Variants in WDR70 observed in about 807,000 individuals in gnomAD.
WDR70 encodes the protein WD repeat domain 70.
In WDR70, 53 loss-of-function variants were observed where a neutral mutation model predicts 88.6. That is an observed-to-expected ratio of 0.60 (90% CI 0.48 to 0.75). The LOEUF (loss-of-function observed/expected upper bound fraction) is 0.75, where lower values mean the gene tolerates loss of function less well. WDR70 is among the 30% of genes least tolerant of loss of function. The pLI, the probability that WDR70 is intolerant of heterozygous loss-of-function variation, is 0.00. For synonymous variants in WDR70, 280 were observed against 270.0 expected, an observed-to-expected ratio of 1.04 and a Z score of -0.36; for missense variants, 610 against 823.2, an observed-to-expected ratio of 0.74 and a Z score of 3.17.
At chr5:37,473,329 G>A (rs981625412) in intron 7 of WDR70, among the ~76,000 whole-genome samples, 1 of 144,766 alleles carries the variant, frequency 6.9e-6, no homozygotes, top group African/African-American at 2.5e-5. Context: ...TCTGTAGCTT[G>A]GTGTATTCAT....
chr5:37,440,633 C>T (rs1339726076), intron 6 of WDR70, among the ~76,000 whole-genome samples: 1 of 152,260 alleles, frequency 6.6e-6, no homozygotes, highest in Non-Finnish European at 1.5e-5. Flanking sequence ...GCGTGAGCCA[C>T]TGCGCCCAGC....
intron 10 of WDR70, among the ~76,000 whole-genome samples, chr5:37,658,251 G>C (rs1517786): frequency 0.57 from 86,832 of 151,470 alleles, 25,081 homozygotes; most frequent in African/African-American, 0.61. Context: ...ATAAGTAGAC[G>C]CTGCAGTTCA....
intron 8 of WDR70, 143 bp downstream of exon 8, chr5:37,480,130 G>C: frequency 9.2e-7 from 1 of 1,092,266 alleles, no homozygotes; most frequent in Non-Finnish European, 1.3e-6. Flanking sequence ...CATGTGGATT[G>C]ATTGGGTGGT....
intron 10 of WDR70, among the ~76,000 whole-genome samples, chr5:37,689,114 G>A (rs905589843): frequency 6.6e-6 from 1 of 152,230 alleles, no homozygotes; most frequent in African/African-American, 2.4e-5. Context: ...GAACTTCAAG[G>A]CGGCAGCCTG....
chr5:37,705,578 T>C (rs1275436846), intron 13 of WDR70, among the ~76,000 whole-genome samples: 1 of 152,022 alleles, frequency 6.6e-6, no homozygotes, highest in Non-Finnish European at 1.5e-5. Flanking sequence ...CTATGTTAAA[T>C]AAATGGGGCT....
chr5:37,562,978 G>GGGT (rs1331874218), intron 9 of WDR70, among the ~76,000 whole-genome samples: 4 of 147,814 alleles, frequency 2.7e-5, no homozygotes, highest in African/African-American at 9.8e-5. Flanking sequence ...CTCCCAGACG[G>GGGT]GGTGGTGGCC....
At chr5:37,500,229 G>A (rs1441373159) in intron 8 of WDR70, among the ~76,000 whole-genome samples, 1 of 152,076 alleles carries the variant, frequency 6.6e-6, no homozygotes, top group African/African-American at 2.4e-5. Context: ...TAGAATAATG[G>A]TCTCCAGCTC....
At chr5:37,720,262 C>G (rs1048399269) in intron 13 of WDR70, among the ~76,000 whole-genome samples, 3 of 152,152 alleles carry the variant, frequency 2.0e-5, no homozygotes, top group African/African-American at 7.2e-5. Context: ...TGCTTCCACT[C>G]ATATCTTGTT....
intron 9 of WDR70, among the ~76,000 whole-genome samples, chr5:37,535,119 T>C (rs1741622989): frequency 6.6e-6 from 1 of 152,134 alleles, no homozygotes; most frequent in African/African-American, 2.4e-5. Context: ...TAAAATAGTT[T>C]CTCTAGTAGT....
In WDR70 at chr5:37,452,267, A is replaced by ATT. The variant is rs35672808; in HGVS notation, c.686+8909_686+8910dup. On this transcript the variant is annotated intron_variant, in intron 7 of 17. Transcript: ENST00000265107. ...GAAGCCTTTCTTTATTTTGAGACTG[A>ATT]TTTTTTTTTTTTTTTGAGATGGAGT... Among the ~76,000 whole-genome samples, 91 of 141,720 alleles carry ATT rather than the reference A, an allele frequency of 6.4e-4. 2 individuals carry two copies. Among genetic ancestry groups the ATT allele is most frequent in the Admixed American group, 1.1e-3 (15 of 14,074 alleles). 93.0% of individuals were successfully genotyped at this position (141,720 alleles called of 152,430 possible). A position where few individuals can be genotyped will look rare whatever the true frequency, so the allele number is the denominator to read the frequency against.
At chr5:37,587,633 CTT>C (rs550318086) in intron 9 of WDR70, among the ~76,000 whole-genome samples, 1 of 152,086 alleles carries the variant, frequency 6.6e-6, no homozygotes, top group African/African-American at 2.4e-5. Flanking sequence ...AGAAAAGACA[CTT>C]TTGTATCTCC....
At chr5:37,560,342 A>G (rs925382778) in intron 9 of WDR70, among the ~76,000 whole-genome samples, 2 of 152,060 alleles carry the variant, frequency 1.3e-5, no homozygotes, top group African/African-American at 4.8e-5. Context: ...TATTTCTCTG[A>G]CCTGTTGGTC....
intron 9 of WDR70, among the ~76,000 whole-genome samples, chr5:37,544,871 A>G (rs890595253): frequency 1.3e-5 from 2 of 152,204 alleles, no homozygotes; most frequent in African/African-American, 4.8e-5. Flanking sequence ...TGCTAGGCAG[A>G]TATCATTTGA....
chr5:37,582,019 A>G (rs536877809), intron 9 of WDR70, among the ~76,000 whole-genome samples: 28 of 152,304 alleles, frequency 1.8e-4, no homozygotes, highest in Middle Eastern at 3.4e-3. Flanking sequence ...TTAAAAAAAA[A>G]AATCTTTAGT....
intron 17 of WDR70, among the ~76,000 whole-genome samples, chr5:37,741,517 C>T (rs909107008): frequency 7.9e-5 from 12 of 152,182 alleles, no homozygotes; most frequent in African/African-American, 2.9e-4. Context: ...ACTGTTCCAC[C>T]TCAGATCATC....
At chr5:37,660,346 T>A (rs751472294) in intron 10 of WDR70, among the ~76,000 whole-genome samples, 4 of 152,146 alleles carry the variant, frequency 2.6e-5, no homozygotes, top group Non-Finnish European at 5.9e-5. Context: ...GTTGATCATG[T>A]CAGCCTATAT....
chr5:37,496,525 G>T (rs1740219953), intron 8 of WDR70, among the ~76,000 whole-genome samples: 1 of 152,180 alleles, frequency 6.6e-6, no homozygotes, highest in African/African-American at 2.4e-5. Context: ...CATGTTTGAG[G>T]TCAGTGAGAC....
intron 5 of WDR70, among the ~76,000 whole-genome samples, chr5:37,431,866 GT>G (rs1750314005): frequency 6.6e-6 from 1 of 152,174 alleles, no homozygotes; most frequent in South Asian, 2.1e-4. Context: ...GTTCATCTGT[GT>G]TGTAGCATGT....
At position 37,493,238 on chromosome 5, in the gene WDR70, A is replaced by G. The variant is rs148005811; in HGVS notation, c.840+13251A>G. Among the ~76,000 whole-genome samples the G allele has an allele frequency of 3.3e-3, 505 of 152,298 alleles. 2 individuals carry two copies. The highest frequency in any genetic ancestry group is 0.012 in the African/African-American group (482 of 41,568). Reference sequence around the variant, plus strand: ...CTGTTTAGGTCAGAAGTCTGTCACAATGTGGCTACATTTCTCTGCTGAGGG... The same window carrying G: ...CTGTTTAGGTCAGAAGTCTGTCACAGTGTGGCTACATTTCTCTGCTGAGGG... On this transcript the variant is annotated intron_variant, in intron 8 of 17. Coordinates refer to ENST00000265107, the MANE Select transcript of WDR70 (RefSeq NM_018034.4).
Sources: gnomAD v4.1 joint callset for allele counts (sites outside exome capture counted in the v4.1 genomes callset) on GRCh38, gnomAD v4.1.1 for gene constraint, MANE v1.5 for transcripts, NCBI Gene and HGNC (gene_info 2026-07-23, HGNC 2026-07-21) for gene names.